Variants in CSMD1 observed in about 807,000 individuals in gnomAD.
CSMD1 encodes CUB and Sushi multiple domains 1.
A neutral mutation model predicts 417.5 loss-of-function variants in CSMD1; 213 were observed. The ratio of observed to expected loss-of-function variants is 0.51; its 90% CI spans 0.46 to 0.57. CSMD1 has a LOEUF of 0.57. Among genes scored for constraint, CSMD1 ranks in the 20% least tolerant of loss-of-function variants. The pLI is 0.00. For missense variants in CSMD1, 6,923 were observed against 4,529.7 expected (o/e 1.53, Z -15.17); for synonymous variants, 2,862 against 1,736.8 (o/e 1.65, Z -16.11).
In CSMD1 at chr8:4,274,124, T is replaced by G. The variant is rs186901923; in HGVS notation, c.415+145829A>C. On this transcript the variant is annotated intron_variant, in intron 3 of 69. Transcript: ENST00000635120. ...ACATATTAAATAACCCCTCCTCCAT[T>G]ATCTTAGAAGTGACTCTAATACTCA... 3.3e-3 allele frequency among the ~76,000 whole-genome samples: 507 copies of G among 152,296 alleles called. 3 individuals are homozygous for G. Among genetic ancestry groups the G allele is most frequent in the African/African-American group, 0.011 (475 of 41,574 alleles).
intron 1 of CSMD1, among the ~76,000 whole-genome samples, chr8:4,854,663 G>A (rs969248816): frequency 3.3e-5 from 5 of 152,136 alleles, no homozygotes; most frequent in Admixed American, 6.5e-5. Context: ...GACAGCACCT[G>A]GAAAATCGGG....
chr8:3,557,931 T>C (rs1799228231), intron 10 of CSMD1, among the ~76,000 whole-genome samples: 1 of 152,170 alleles, frequency 6.6e-6, no homozygotes, highest in Non-Finnish European at 1.5e-5. Flanking sequence ...AAATAGTTTG[T>C]TGGTTTGCAA....
At chr8:4,092,256 A>C (rs573898426) in intron 3 of CSMD1, among the ~76,000 whole-genome samples, 2 of 152,198 alleles carry the variant, frequency 1.3e-5, no homozygotes, top group African/African-American at 4.8e-5. Context: ...CAAAACCTCC[A>C]TTAATTTGTT....
intron 3 of CSMD1, among the ~76,000 whole-genome samples, chr8:4,151,104 C>A (rs1796550436): frequency 6.6e-6 from 1 of 152,128 alleles, no homozygotes; most frequent in Non-Finnish European, 1.5e-5. Flanking sequence ...CATCCTTCTC[C>A]CAGCAGAAGA....
intron 10 of CSMD1, among the ~76,000 whole-genome samples, chr8:3,534,039 T>A (rs537149858): frequency 2.0e-5 from 3 of 152,316 alleles, no homozygotes; most frequent in South Asian, 4.1e-4. Context: ...TGAATAAAAG[T>A]CATTGCTTGA....
At chr8:4,959,082 G>A (rs1009580775) in intron 1 of CSMD1, among the ~76,000 whole-genome samples, 8 of 152,128 alleles carry the variant, frequency 5.3e-5, no homozygotes, top group African/African-American at 1.9e-4. Flanking sequence ...CATCTAGAGG[G>A]AAATAGTTTA....
In CSMD1 at chr8:4,303,321, G is replaced by A. The variant is rs562948506; in HGVS notation, c.415+116632C>T. Among the ~76,000 whole-genome samples, 48 of 151,564 alleles carry A rather than the reference G, an allele frequency of 3.2e-4. No homozygotes were observed. The South Asian group carries it at 4.2e-3, about 13-fold the overall frequency. ...TAGTTATAACCTGGCACTGACAAAT[G>A]TATTAAAGGAAGCAAAAATTAGCAT... On this transcript the variant is annotated intron_variant, in intron 3 of 69. Transcript: ENST00000635120.
chr8:3,642,248 C>G (rs1463375332), intron 7 of CSMD1, among the ~76,000 whole-genome samples: 1 of 151,892 alleles, frequency 6.6e-6, no homozygotes, highest in African/African-American at 2.4e-5. Flanking sequence ...CAAGAAGTCA[C>G]ATACACTCTT....
chr8:3,128,683 C>T (rs146308194), intron 41 of CSMD1: 320 of 346,938 alleles, frequency 9.2e-4, no homozygotes, highest in African/African-American at 6.4e-3. Flanking sequence ...AGATATGATA[C>T]CCTACAAGAA....
intron 2 of CSMD1, among the ~76,000 whole-genome samples, chr8:4,564,933 T>A (rs1013381813): frequency 6.6e-6 from 1 of 152,218 alleles, no homozygotes; most frequent in African/African-American, 2.4e-5. Context: ...ATAGCGGCTT[T>A]TCTAGTGTTA....
intron 9 of CSMD1, among the ~76,000 whole-genome samples, chr8:3,581,183 T>TG (rs1419552977): frequency 6.6e-6 from 1 of 152,212 alleles, no homozygotes; most frequent in African/African-American, 2.4e-5. Flanking sequence ...AACATTTTAC[T>TG]TAAAAAAATA....
chr8:3,652,686 G>C (rs923359882), intron 7 of CSMD1, among the ~76,000 whole-genome samples: 1 of 152,132 alleles, frequency 6.6e-6, no homozygotes, highest in African/African-American at 2.4e-5. Flanking sequence ...CAGTATGGGG[G>C]AAACTGCCCA....
Position 3,686,094 on chromosome 8 carries a change from G to T in CSMD1, c.1009+22320C>A, listed in dbSNP as rs550317322. ...TATCAGCCTCTGATAACCATCAGAA[G>T]GGTCAGTTTTCTATGTTTATCAAAA... On this transcript the variant is annotated intron_variant, in intron 7 of 69. Coordinates refer to ENST00000635120, the MANE Select transcript of CSMD1 (RefSeq NM_033225.6). 8.4e-3 allele frequency among the ~76,000 whole-genome samples: 118 copies of T among 14,090 alleles called. 1 individual carries two copies. Among genetic ancestry groups the T allele is most frequent in the Admixed American group, 0.069 (40 of 580 alleles). The allele number at this position is 14,090 out of a possible 152,430, so 9.2% of individuals were successfully genotyped here. A position where few individuals can be genotyped will look rare whatever the true frequency, so the allele number is the denominator to read the frequency against.
chr8:4,153,731 G>A (rs1012252381), intron 3 of CSMD1, among the ~76,000 whole-genome samples: 12 of 152,206 alleles, frequency 7.9e-5, no homozygotes, highest in African/African-American at 2.9e-4. Context: ...CCCATGCAGT[G>A]GGCACGGTTT....
rs1027376629 is a variant in CSMD1, at chr8:3,645,557, G to C, written c.1010-28760C>G. ...GGTGAAGCTGCAGGAGAGATCATGGGAAGTGTCAGTCTTCTGCAAGGGATC... is the reference window on the plus strand; with the variant it reads ...GGTGAAGCTGCAGGAGAGATCATGGCAAGTGTCAGTCTTCTGCAAGGGATC... On this transcript the variant is annotated intron_variant, in intron 7 of 69. Transcript: ENST00000635120. Among the ~76,000 whole-genome samples, 7 of 152,188 alleles carry C rather than the reference G, an allele frequency of 4.6e-5. No homozygotes were observed. The South Asian group carries it at 6.2e-4, about 14-fold the overall frequency.
intron 1 of CSMD1, among the ~76,000 whole-genome samples, chr8:4,864,979 A>G (rs1363475618): frequency 6.6e-6 from 1 of 151,270 alleles, no homozygotes; most frequent in African/African-American, 2.4e-5. Flanking sequence ...ATATTATTAT[A>G]TAATTTGAAA....
chr8:4,422,901 A>G (rs1004207899), intron 2 of CSMD1, among the ~76,000 whole-genome samples: 2 of 152,068 alleles, frequency 1.3e-5, no homozygotes, highest in African/African-American at 2.4e-5. Context: ...ATAATCTGCA[A>G]TATTAATGGG....
At chr8:3,382,986 C>A (rs949968043) in intron 18 of CSMD1, among the ~76,000 whole-genome samples, 1 of 152,232 alleles carries the variant, frequency 6.6e-6, no homozygotes, top group South Asian at 2.1e-4. Flanking sequence ...AACGCTGTGA[C>A]AAAGTCAGCC....
intron 5 of CSMD1, among the ~76,000 whole-genome samples, chr8:3,973,686 G>C (rs1374576113): frequency 1.3e-5 from 2 of 152,166 alleles, no homozygotes; most frequent in Admixed American, 6.5e-5. Context: ...ACTGGCAACA[G>C]AGGTGTGAAT....
Sources: gnomAD v4.1 joint callset for allele counts (sites outside exome capture counted in the v4.1 genomes callset) on GRCh38, gnomAD v4.1.1 for gene constraint, MANE v1.5 for transcripts, NCBI Gene and HGNC (gene_info 2026-07-23, HGNC 2026-07-21) for gene names.